TFDP2: variants seen among roughly 807,000 people sequenced by gnomAD.
The protein encoded by TFDP2 is transcription factor Dp-2 (E2F dimerization partner 2).
Under a neutral mutation model 59.3 loss-of-function variants are expected in TFDP2, and 17 were observed. The observed-to-expected ratio is 0.29, with a 90% confidence interval of 0.20 to 0.43. The LOEUF (loss-of-function observed/expected upper bound fraction) is 0.43, where lower values mean the gene tolerates loss of function less well. Ranked by LOEUF, TFDP2 falls within the 20% of genes least tolerant of loss-of-function variation. The probability of loss-of-function intolerance (pLI) is 1.00; values close to 1 mark genes in which losing one functional copy is unlikely to be tolerated. For synonymous variants in TFDP2, 180 were observed against 194.7 expected (o/e 0.92, Z 0.63); for missense variants, 391 against 528.8 (o/e 0.74, Z 2.56).
At chr3:142,065,427 A>C (rs529996261) in intron 3 of TFDP2, among the ~76,000 whole-genome samples, 1 of 152,174 alleles carries the variant, frequency 6.6e-6, no homozygotes, top group Admixed American at 6.5e-5. Context: ...AAGTGCTGGA[A>C]TTACAGGCGT....
chr3:142,063,569 C>T (rs575435684), intron 3 of TFDP2, among the ~76,000 whole-genome samples: 2 of 152,256 alleles, frequency 1.3e-5, no homozygotes, highest in African/African-American at 4.8e-5. Context: ...AAGTTATTTC[C>T]TTAGGATAGC....
intron 1 of TFDP2, among the ~76,000 whole-genome samples, chr3:142,108,154 T>C (rs934055140): frequency 5.3e-5 from 8 of 151,994 alleles, no homozygotes; most frequent in African/African-American, 1.9e-4. Flanking sequence ...ACCTCTAACC[T>C]CTTTGTTCTT....
intron 3 of TFDP2, among the ~76,000 whole-genome samples, chr3:142,015,517 C>G (rs1945063239): frequency 6.6e-6 from 1 of 152,184 alleles, no homozygotes; most frequent in Admixed American, 6.5e-5. Flanking sequence ...ATCCCACATT[C>G]AATCCATTCA....
chr3:142,023,337 A>C (rs1576751075), intron 3 of TFDP2, among the ~76,000 whole-genome samples: 1 of 148,414 alleles, frequency 6.7e-6, no homozygotes. Flanking sequence ...GGCGTGTGCC[A>C]CCACATCTGG....
chr3:141,995,414 C>T (rs11706728), intron 4 of TFDP2, among the ~76,000 whole-genome samples: 8,296 of 152,196 alleles, frequency 0.055, 275 homozygotes, highest in Middle Eastern at 0.1. Flanking sequence ...ACTGATAATG[C>T]TTTAAAAATC....
chr3:142,017,252 G>A (rs766147665), intron 3 of TFDP2, among the ~76,000 whole-genome samples: 89 of 152,112 alleles, frequency 5.9e-4, no homozygotes, highest in Non-Finnish European at 6.2e-4. Flanking sequence ...AGAATGTTAA[G>A]TTCTACAACA....
intron 4 of TFDP2, among the ~76,000 whole-genome samples, chr3:142,004,072 G>T (rs908876378): frequency 6.6e-6 from 1 of 152,158 alleles, no homozygotes; most frequent in Non-Finnish European, 1.5e-5. Flanking sequence ...ACCTATAGTA[G>T]TGGCTGAGGA....
At chr3:141,996,044 AT>A (rs1943247421) in intron 4 of TFDP2, among the ~76,000 whole-genome samples, 1 of 152,094 alleles carries the variant, frequency 6.6e-6, no homozygotes, top group Non-Finnish European at 1.5e-5. Flanking sequence ...TGTGATAAAC[AT>A]TTTTGTACAA....
chr3:142,043,029 ACCGTGC>A (rs1353599492), intron 3 of TFDP2, among the ~76,000 whole-genome samples: 1 of 150,748 alleles, frequency 6.6e-6, no homozygotes, highest in Admixed American at 6.6e-5. Context: ...GGCGTGAGCC[ACCGTGC>A]CCGGCGATGC....
intron 8 of TFDP2, among the ~76,000 whole-genome samples, chr3:141,972,903 A>T (rs11569234): frequency 0.073 from 11,122 of 151,780 alleles, 498 homozygotes; most frequent in Non-Finnish European, 0.11. Context: ...ATTCCACTCT[A>T]TGAGAAGGAA....
chr3:142,095,349 T>A (rs1025395688), intron 2 of TFDP2, among the ~76,000 whole-genome samples: 1 of 152,246 alleles, frequency 6.6e-6, no homozygotes, highest in Non-Finnish European at 1.5e-5. Context: ...TAAGAGCTAA[T>A]TATTTCATTA....
At chr3:141,974,733 AG>A (rs1940336828) in intron 7 of TFDP2, among the ~76,000 whole-genome samples, 1 of 152,126 alleles carries the variant, frequency 6.6e-6, no homozygotes, top group Admixed American at 6.6e-5. Context: ...AAAAAAATCA[AG>A]GACATTTATT....
intron 3 of TFDP2, among the ~76,000 whole-genome samples, chr3:142,015,183 C>CTTG (rs757056968): frequency 3.9e-4 from 59 of 152,288 alleles, no homozygotes; most frequent in Non-Finnish European, 6.9e-4. Context: ...AGCCCCTTAG[C>CTTG]TTGGTCCTCC....
intron 1 of TFDP2, among the ~76,000 whole-genome samples, chr3:142,122,299 T>A (rs1374667251): frequency 6.6e-6 from 1 of 152,136 alleles, no homozygotes; most frequent in African/African-American, 2.4e-5. Context: ...CTATCTGTAC[T>A]CTACCTACCA....
At chr3:142,045,924 GACTTTAA>G (rs991131736) in intron 3 of TFDP2, among the ~76,000 whole-genome samples, 4 of 151,998 alleles carry the variant, frequency 2.6e-5, no homozygotes, top group African/African-American at 7.3e-5. Context: ...TGCCTGGCCT[GACTTTAA>G]ACTTTATCCA....
chr3:142,132,165 T>C (rs1577056755), intron 1 of TFDP2, among the ~76,000 whole-genome samples: 1 of 150,268 alleles, frequency 6.7e-6, no homozygotes, highest in Non-Finnish European at 1.5e-5. Flanking sequence ...GGATGATTAT[T>C]GATATACTCT....
At chr3:141,998,905 T>C (rs1446288803) in intron 4 of TFDP2, among the ~76,000 whole-genome samples, 1 of 152,216 alleles carries the variant, frequency 6.6e-6, no homozygotes, top group East Asian at 1.9e-4. Flanking sequence ...AGCATATGTA[T>C]TCTAAAGGGA....
chr3:142,062,387 A>G (rs1484551435), intron 3 of TFDP2, among the ~76,000 whole-genome samples: 2 of 112,130 alleles, frequency 1.8e-5, no homozygotes, highest in Non-Finnish European at 3.5e-5. Flanking sequence ...ATATATATAT[A>G]TTATATAATA....
intron 1 of TFDP2, among the ~76,000 whole-genome samples, chr3:142,112,447 T>C (rs998936582): frequency 4.6e-5 from 7 of 152,200 alleles, no homozygotes; most frequent in East Asian, 1.9e-4. Context: ...CCTCATCTTA[T>C]ACGTTTTATT....
Sources: gnomAD v4.1 joint callset for allele counts (sites outside exome capture counted in the v4.1 genomes callset) on GRCh38, gnomAD v4.1.1 for gene constraint, MANE v1.5 for transcripts, NCBI Gene and HGNC (gene_info 2026-07-23, HGNC 2026-07-21) for gene names.